Variants in EPC2 observed in about 807,000 individuals in gnomAD.
EPC2 encodes enhancer of polycomb 2.
Under a neutral mutation model 92.1 loss-of-function variants are expected in EPC2, and 14 were observed. The observed-to-expected ratio is 0.15, with a 90% CI of 0.10 to 0.24. The LOEUF (loss-of-function observed/expected upper bound fraction) is 0.24. EPC2 is among the 10% of genes least tolerant of loss of function. The pLI, the probability that EPC2 is intolerant of heterozygous loss-of-function variation, is 1.00. For synonymous variants in EPC2, 340 were observed against 334.7 expected (o/e 1.02, Z -0.17); for missense variants, 755 against 971.5 (o/e 0.78, Z 2.96).
At chr2:148,712,973 C>T (rs994893531) in intron 2 of EPC2, among the ~76,000 whole-genome samples, 1 of 149,674 alleles carries the variant, frequency 6.7e-6, no homozygotes, top group Non-Finnish European at 1.5e-5. Flanking sequence ...CAGGAAGGTC[C>T]CTTGAGCCCA....
intron 2 of EPC2, among the ~76,000 whole-genome samples, chr2:148,712,244 G>GTGT (rs1558817361): frequency 2.8e-4 from 42 of 149,442 alleles, no homozygotes; most frequent in African/African-American, 9.6e-4. Context: ...TGTGTGTGGG[G>GTGT]GTGTGTGTGT....
intron 4 of EPC2, among the ~76,000 whole-genome samples, chr2:148,757,154 A>G (rs1236803546): frequency 6.6e-6 from 1 of 152,126 alleles, no homozygotes; most frequent in Non-Finnish European, 1.5e-5. Context: ...AGGCGGGCGA[A>G]TCACAAGGTC....
At position 148,771,335 on chromosome 2, in the gene EPC2, A is replaced by G. The variant is rs1460161885; in HGVS notation, c.1668A>G (p.Arg556=). Residue 556 remains arginine, a synonymous_variant, in exon 10 of 14, where the codon AGA becomes AGG. Transcript: ENST00000258484. ...CAGGGCAGACTGTGAACAATAAAAG[A>G]GTTTCTGCAGCATCTGTAGCTTTAT... ...RKPGQTVNNK[R]VSAASVALLN... is the part of the protein sequence containing the mutation. The G allele has an allele frequency of 1.2e-6, 2 of 1,611,560 alleles. No individual in the cohort carries two copies. Among genetic ancestry groups the G allele is most frequent in the Non-Finnish European group, 1.7e-6 (2 of 1,179,298 alleles).
chr2:148,665,169 A>G (rs960476942), intron 1 of EPC2, among the ~76,000 whole-genome samples: 1 of 152,194 alleles, frequency 6.6e-6, no homozygotes, highest in Non-Finnish European at 1.5e-5. Flanking sequence ...TCTTTTTCAC[A>G]ACTTTGGATC....
At chr2:148,780,562 T>C (rs1207473721) in intron 10 of EPC2, among the ~76,000 whole-genome samples, 1 of 152,170 alleles carries the variant, frequency 6.6e-6, no homozygotes, top group African/African-American at 2.4e-5. Flanking sequence ...ATTCATTAAT[T>C]GGTATTTCTT....
chr2:148,670,943 T>C (rs1037651857), intron 1 of EPC2, among the ~76,000 whole-genome samples: 1 of 152,180 alleles, frequency 6.6e-6, no homozygotes, highest in African/African-American at 2.4e-5. Context: ...TCTCATCTTC[T>C]GAAAGTGCTG....
chr2:148,757,312 G>A (rs1193565616), intron 4 of EPC2, among the ~76,000 whole-genome samples: 3 of 152,066 alleles, frequency 2.0e-5, no homozygotes, highest in Admixed American at 6.5e-5. Context: ...GGAGGCGGAG[G>A]TTGCAGTGAG....
chr2:148,666,166 C>T (rs1392762342), intron 1 of EPC2, among the ~76,000 whole-genome samples: 1 of 152,144 alleles, frequency 6.6e-6, no homozygotes. Flanking sequence ...GAAACAGGGT[C>T]TTGCTCTGGG....
At chr2:148,661,459 T>C (rs910666046) in intron 1 of EPC2, among the ~76,000 whole-genome samples, 1 of 152,186 alleles carries the variant, frequency 6.6e-6, no homozygotes, top group Non-Finnish European at 1.5e-5. Flanking sequence ...CACCACCTAA[T>C]AGAGATAGTT....
chr2:148,684,660 C>T (rs1411656806), intron 1 of EPC2, among the ~76,000 whole-genome samples: 1 of 152,194 alleles, frequency 6.6e-6, no homozygotes, highest in Non-Finnish European at 1.5e-5. Flanking sequence ...CTCATAGATA[C>T]CCACGTTGCC....
intron 1 of EPC2, among the ~76,000 whole-genome samples, chr2:148,674,085 G>C (rs149862264): frequency 2.0e-5 from 3 of 152,200 alleles, no homozygotes; most frequent in African/African-American, 7.2e-5. Flanking sequence ...GAAAAAACAG[G>C]CATCTCTCCC....
At chr2:148,698,875 ATG>A (rs1386045357) in intron 2 of EPC2, among the ~76,000 whole-genome samples, 2 of 139,088 alleles carry the variant, frequency 1.4e-5, no homozygotes, top group Non-Finnish European at 3.1e-5. Flanking sequence ...GTATGTGTGT[ATG>A]TGTTTGTGGC....
intron 2 of EPC2, among the ~76,000 whole-genome samples, chr2:148,724,089 CTT>C (rs1682438262): frequency 6.6e-6 from 1 of 151,994 alleles, no homozygotes; most frequent in South Asian, 2.1e-4. Context: ...ATGTAGGACT[CTT>C]TTATACAATT....
At position 148,753,908 on chromosome 2, in the gene EPC2, T is replaced by C. The variant is rs756441449; in HGVS notation, c.460-19T>C. 6.3e-7 allele frequency: 1 copy of C among 1,591,454 alleles called. No individual in the cohort carries two copies. Among genetic ancestry groups the C allele is most frequent in the Non-Finnish European group, 8.6e-7 (1 of 1,168,180 alleles). ...TTTGCAAACATTGTAGCCAATGACATTTTGTATTTTTCATTTAGCTTGTAA... is the reference window on the plus strand; with the variant it reads ...TTTGCAAACATTGTAGCCAATGACACTTTGTATTTTTCATTTAGCTTGTAA... On this transcript the variant is annotated intron_variant, in intron 3 of 13. Coordinates refer to ENST00000258484, the MANE Select transcript of EPC2 (RefSeq NM_015630.4).
At chr2:148,777,154 C>G (rs1172469005) in intron 10 of EPC2, among the ~76,000 whole-genome samples, 1 of 151,572 alleles carries the variant, frequency 6.6e-6, no homozygotes, top group South Asian at 2.1e-4. Context: ...GCCACTGCAC[C>G]CAGCCAAAGA....
chr2:148,644,963 C>CA lies in EPC2; in HGVS notation c.-55_-54insA. On this transcript the variant is annotated 5_prime_UTR_variant, in exon 1 of 14. Transcript: ENST00000258484. ...AGGAGGCGGCGGGAGTCCTCCCCCC[C>CA]TCCCCGCCCGCCCCGCCGCCGCCGC... 25 of 1,483,296 alleles carry CA rather than the reference C, an allele frequency of 1.7e-5. No homozygotes were observed. The highest frequency in any genetic ancestry group is 7.5e-5 in the East Asian group (3 of 40,202). 91.9% of individuals were successfully genotyped at this position (1,483,296 alleles called of 1,614,324 possible).
intron 2 of EPC2, among the ~76,000 whole-genome samples, chr2:148,724,474 A>T (rs917861552): frequency 7.2e-5 from 11 of 152,118 alleles, no homozygotes; most frequent in Admixed American, 4.6e-4. Context: ...ATAACAAATT[A>T]ATTTTTTTTA....
intron 10 of EPC2, among the ~76,000 whole-genome samples, chr2:148,778,944 G>C (rs1406628805): frequency 6.6e-6 from 1 of 152,150 alleles, no homozygotes; most frequent in Non-Finnish European, 1.5e-5. Flanking sequence ...TTCTCAACCA[G>C]AAATGGGATC....
chr2:148,658,686 A>G (rs545817540), intron 1 of EPC2, among the ~76,000 whole-genome samples: 1 of 151,334 alleles, frequency 6.6e-6, no homozygotes, highest in South Asian at 2.1e-4. Context: ...GTCATGAGCT[A>G]CTAGATTGAT....
Sources: gnomAD v4.1 joint callset for allele counts (sites outside exome capture counted in the v4.1 genomes callset) on GRCh38, gnomAD v4.1.1 for gene constraint, MANE v1.5 for transcripts, NCBI Gene and HGNC (gene_info 2026-07-23, HGNC 2026-07-21) for gene names.